The following HS3ST3A1 variants were observed in gnomAD, a reference collection of about 807,000 sequenced individuals.
The protein encoded by HS3ST3A1 is heparan sulfate glucosamine 3-O-sulfotransferase 3A1.
A neutral mutation model predicts 25.7 loss-of-function variants in HS3ST3A1; 19 were observed. The ratio of observed to expected loss-of-function variants is 0.74; its 90% CI spans 0.52 to 1.08. HS3ST3A1 has a LOEUF of 1.08. Among genes scored for constraint, HS3ST3A1 ranks in the 50% least tolerant of loss-of-function variants. The pLI is 0.00. For missense variants in HS3ST3A1, 459 were observed against 594.3 expected, an observed-to-expected ratio of 0.77 and a Z score of 2.37; for synonymous variants, 226 against 278.6, an observed-to-expected ratio of 0.81 and a Z score of 1.88.
intron 1 of HS3ST3A1, among the ~76,000 whole-genome samples, chr17:13,548,809 G>A (rs1907161543): frequency 6.6e-6 from 1 of 152,096 alleles, no homozygotes; most frequent in African/African-American, 2.4e-5. Flanking sequence ...TCAGCACTCT[G>A]TAAAAAATGC....
intron 1 of HS3ST3A1, among the ~76,000 whole-genome samples, chr17:13,510,616 T>G (rs554536851): frequency 6.6e-6 from 1 of 152,324 alleles, no homozygotes; most frequent in South Asian, 2.1e-4. Context: ...CTTGCAGCTA[T>G]GATTTTGGCA....
chr17:13,587,081 T>G (rs568302597), intron 1 of HS3ST3A1, among the ~76,000 whole-genome samples: 2 of 151,874 alleles, frequency 1.3e-5, no homozygotes, highest in Non-Finnish European at 1.5e-5. Context: ...AAGTTGAAAT[T>G]ACATATAAGG....
At chr17:13,565,542 A>G (rs908195791) in intron 1 of HS3ST3A1, among the ~76,000 whole-genome samples, 1 of 151,786 alleles carries the variant, frequency 6.6e-6, no homozygotes, top group Admixed American at 6.6e-5. Flanking sequence ...AAAAAAATAA[A>G]TAAGTAAGTA....
intron 1 of HS3ST3A1, among the ~76,000 whole-genome samples, chr17:13,524,132 C>A (rs765613632): frequency 2.0e-5 from 3 of 152,076 alleles, no homozygotes; most frequent in Non-Finnish European, 4.4e-5. Context: ...TTTGTTATTA[C>A]TTGTCACTCA....
chr17:13,591,696 T>C (rs1814328569), intron 1 of HS3ST3A1, among the ~76,000 whole-genome samples: 1 of 150,880 alleles, frequency 6.6e-6, no homozygotes, highest in South Asian at 2.1e-4. Context: ...TCTCACTCTG[T>C]TGCCCAGGCT....
At chr17:13,526,230 C>A (rs140301718) in intron 1 of HS3ST3A1, among the ~76,000 whole-genome samples, 63 of 152,030 alleles carry the variant, frequency 4.1e-4, no homozygotes, top group African/African-American at 1.3e-3. Context: ...ACAAGCTTTC[C>A]TTCAGAGGCT....
intron 1 of HS3ST3A1, among the ~76,000 whole-genome samples, chr17:13,513,263 C>T (rs1023517109): frequency 5.9e-5 from 9 of 152,228 alleles, no homozygotes; most frequent in Non-Finnish European, 1.3e-4. Context: ...AGAAATGCTG[C>T]AGACGCCTCA....
intron 1 of HS3ST3A1, among the ~76,000 whole-genome samples, chr17:13,566,402 A>G (rs2142369607): frequency 6.6e-6 from 1 of 152,202 alleles, no homozygotes; most frequent in East Asian, 1.9e-4. Flanking sequence ...CAGCCTCCCT[A>G]TTACCTGAGA....
intron 1 of HS3ST3A1, among the ~76,000 whole-genome samples, chr17:13,556,229 C>T (rs8075558): frequency 0.35 from 53,915 of 152,068 alleles, 11,849 homozygotes; most frequent in African/African-American, 0.63. Context: ...CAAAGCCGGC[C>T]GGGCGCGGTG....
intron 1 of HS3ST3A1, among the ~76,000 whole-genome samples, chr17:13,512,802 A>G (rs1167580512): frequency 6.6e-6 from 1 of 152,210 alleles, no homozygotes; most frequent in Non-Finnish European, 1.5e-5. Context: ...GTAGTTCATG[A>G]TCTGCGTATG....
chr17:13,498,456 C>T (rs1905352810), intron 1 of HS3ST3A1, among the ~76,000 whole-genome samples: 1 of 152,192 alleles, frequency 6.6e-6, no homozygotes. Flanking sequence ...ATCGGAACTC[C>T]TTTTCCCCAA....
intron 1 of HS3ST3A1, among the ~76,000 whole-genome samples, chr17:13,565,254 G>A (rs1907648787): frequency 1.3e-5 from 2 of 152,110 alleles, no homozygotes; most frequent in African/African-American, 4.8e-5. Context: ...TAAAAAGCTT[G>A]AGGCCAGGCG....
At chr17:13,556,544 G>T (rs2142361080) in intron 1 of HS3ST3A1, among the ~76,000 whole-genome samples, 1 of 86,560 alleles carries the variant, frequency 1.2e-5, no homozygotes, top group South Asian at 2.9e-4. Context: ...AAAATAAATA[G>T]ATAAAAAATA....
At chr17:13,538,396 A>G (rs796377314) in intron 1 of HS3ST3A1, among the ~76,000 whole-genome samples, 1 of 152,248 alleles carries the variant, frequency 6.6e-6, no homozygotes, top group South Asian at 2.1e-4. Context: ...TTTTCATAGT[A>G]GCACTTAGAA....
intron 1 of HS3ST3A1, among the ~76,000 whole-genome samples, chr17:13,574,741 TAC>T (rs774926362): frequency 1.2e-4 from 10 of 81,562 alleles, no homozygotes; most frequent in Admixed American, 2.5e-4. Flanking sequence ...ACAAAACAAA[TAC>T]ACACACACAC....
intron 1 of HS3ST3A1, among the ~76,000 whole-genome samples, chr17:13,588,170 G>T (rs62053913): frequency 1.3e-5 from 2 of 151,764 alleles, no homozygotes; most frequent in African/African-American, 4.8e-5. Context: ...TTTACATATC[G>T]TCTGTGGCTG....
At chr17:13,525,435 T>C (rs35629205) in intron 1 of HS3ST3A1, among the ~76,000 whole-genome samples, 15,926 of 152,098 alleles carry the variant, frequency 0.1, 1,019 homozygotes, top group Non-Finnish European at 0.15. Context: ...GTTTTTGTCA[T>C]CTAGATAATT....
chr17:13,495,195 A>T lies in HS3ST3A1; in HGVS notation c.*1002T>A, dbSNP rs975766453. Among the ~76,000 whole-genome samples the T allele has an allele frequency of 2.6e-5, 4 of 152,108 alleles. No individual in the cohort carries two copies. Among genetic ancestry groups the T allele is most frequent in the Admixed American group, 1.3e-4 (2 of 15,284 alleles). ...CAACAAATGGGTAAGTTACGTTCCTAACACATCTTGTGCTACCCCTAGTGT... is the reference window on the plus strand; with the variant it reads ...CAACAAATGGGTAAGTTACGTTCCTTACACATCTTGTGCTACCCCTAGTGT... On this transcript the variant is annotated 3_prime_UTR_variant, in exon 2 of 2. Coordinates refer to ENST00000284110, the MANE Select transcript of HS3ST3A1 (RefSeq NM_006042.3).
chr17:13,516,182 T>C (rs181807457), intron 1 of HS3ST3A1, among the ~76,000 whole-genome samples: 1 of 152,052 alleles, frequency 6.6e-6, no homozygotes, highest in Non-Finnish European at 1.5e-5. Flanking sequence ...TGGTGGCACG[T>C]GCCTGTAATC....
Sources: allele counts gnomAD v4.1 joint callset (sites outside exome capture counted in the v4.1 genomes callset), GRCh38; gene constraint gnomAD v4.1.1; transcripts MANE v1.5; gene names NCBI Gene and HGNC (gene_info 2026-07-23, HGNC 2026-07-21).